Variants in TNXB observed in about 807,000 individuals in gnomAD.
TNXB encodes tenascin-X.
A neutral mutation model predicts 340.5 loss-of-function variants in TNXB; 183 were observed. The observed-to-expected ratio is 0.54, with a 90% confidence interval of 0.48 to 0.61. The LOEUF is 0.61. Ranked by LOEUF, TNXB falls within the 20% of genes least tolerant of loss-of-function variation. The pLI, the probability that TNXB is intolerant of heterozygous loss-of-function variation, is 0.00. For synonymous variants in TNXB, 2,121 were observed against 2,314.5 expected (o/e 0.92, Z 2.40); for missense variants, 4,613 against 5,446.4 (o/e 0.85, Z 4.82).
Position 32,072,237 on chromosome 6 carries a change from C to T in TNXB, c.4743G>A (p.Gly1581=). ...ASKPPLEPRL[G]ELTVTDITPD... ...GGGTTATATCCGTCACTGTCAGCTC[C>T]CCTAGGCGTGGCTCCAGGGGAGGCT... Residue 1581 remains glycine (G), a synonymous_variant, in exon 13 of 44, where the codon GGG becomes GGA. Coordinates refer to ENST00000644971, the MANE Select transcript of TNXB (RefSeq NM_001365276.2). The surrounding 1 kb of genome is among the most constrained non-coding windows in gnomAD (Gnocchi z 4.4). 1 of 1,610,492 alleles carries T rather than the reference C, an allele frequency of 6.2e-7. No individual in the cohort carries two copies. Among genetic ancestry groups the T allele is most frequent in the Non-Finnish European group, 8.5e-7 (1 of 1,178,738 alleles).
rs763234141 is a variant in TNXB, at chr6:32,056,191, T to G, written c.8144-17A>C. ...CCTCTGCAGCTGAGAAAAGGAGATATAGAGAGGATGCCAGGTGCCTGGGGG... is the reference window on the plus strand; with the variant it reads ...CCTCTGCAGCTGAGAAAAGGAGATAGAGAGAGGATGCCAGGTGCCTGGGGG... On this transcript the variant is annotated splice_polypyrimidine_tract_variant and intron_variant, in intron 23 of 43. Coordinates refer to ENST00000644971, the MANE Select transcript of TNXB (RefSeq NM_001365276.2). The G allele has an allele frequency of 1.2e-6, 2 of 1,603,682 alleles. No homozygotes were observed. The highest frequency in any genetic ancestry group is 1.7e-6 in the Non-Finnish European group (2 of 1,173,628).
chr6:32,076,426 C>T (rs972141492), intron 11 of TNXB, among the ~76,000 whole-genome samples: 1 of 152,192 alleles, frequency 6.6e-6, no homozygotes, highest in East Asian at 1.9e-4. Flanking sequence ...TCTGATAATG[C>T]GCACTGATGC....
rs1379189598 is a variant in TNXB, at chr6:32,087,360, C to A, written c.2780-1242G>T. 1 of 477,580 alleles carries A rather than the reference C, an allele frequency of 2.1e-6. No homozygotes were observed. Among genetic ancestry groups the A allele is most frequent in the South Asian group, 1.5e-5 (1 of 66,598 alleles). The allele number at this position is 477,580 out of a possible 1,614,324, so 29.6% of individuals were successfully genotyped here. Reference sequence around the variant, plus strand: ...TGAGGTCGGGCAGGCTGACGGTGCGCGTGGTGCCCGGCACAGTCAGCTCAC... The same window carrying A: ...TGAGGTCGGGCAGGCTGACGGTGCGAGTGGTGCCCGGCACAGTCAGCTCAC... On this transcript the variant is annotated intron_variant, in intron 6 of 43. Transcript: ENST00000644971. The surrounding 1 kb of genome is among the most constrained non-coding windows in gnomAD (Gnocchi z 9.0).
chr6:32,087,753 G>C lies in TNXB; in HGVS notation c.2779+1032C>G. 1 of 507,298 alleles carries C rather than the reference G, an allele frequency of 2.0e-6. No individual in the cohort carries two copies. The highest frequency in any genetic ancestry group is 3.9e-6 in the Non-Finnish European group (1 of 255,502). 31.4% of individuals were successfully genotyped at this position (507,298 alleles called of 1,614,324 possible). ...GCAGTGGGTAGCCGTGAGCCCGCAGGTGGCGCTCCAGGTCCTGCACCGTGC... is the reference window on the plus strand; with the variant it reads ...GCAGTGGGTAGCCGTGAGCCCGCAGCTGGCGCTCCAGGTCCTGCACCGTGC... On this transcript the variant is annotated intron_variant, in intron 6 of 43. Coordinates refer to ENST00000644971, the MANE Select transcript of TNXB (RefSeq NM_001365276.2). This position sits in a 1 kb window ranked among gnomAD's most constrained non-coding sequence, Gnocchi z 9.0.
chr6:32,041,699 C>G, intron 43 of TNXB, 72 bp downstream of exon 43: 1 of 1,061,254 alleles, frequency 9.4e-7, no homozygotes, highest in Non-Finnish European at 1.4e-6. Context: ...TTGCCTGTTA[C>G]ACTGTGGGGC....
chr6:32,078,982 T>A, intron 11 of TNXB, 51 bp downstream of exon 11: 1 of 1,562,064 alleles, frequency 6.4e-7, no homozygotes, highest in Non-Finnish European at 8.7e-7. Context: ...ACAGGGAAGC[T>A]GGGAGCCAGC....
Position 32,082,465 on chromosome 6 carries a change from G to C in TNXB, c.3446-139C>G. 1 of 877,846 alleles carries C rather than the reference G, an allele frequency of 1.1e-6. No homozygotes were observed. The highest frequency in any genetic ancestry group is 2.5e-5 in the East Asian group (1 of 40,130). 54.4% of individuals were successfully genotyped at this position (877,846 alleles called of 1,614,324 possible). Reference sequence around the variant, plus strand: ...TGCATTTGCTGAGGGAGTACAGAGGGACTGAAATCCAGCCAGCACTCTGCT... The same window carrying C: ...TGCATTTGCTGAGGGAGTACAGAGGCACTGAAATCCAGCCAGCACTCTGCT... On this transcript the variant is annotated intron_variant, in intron 8 of 43. Transcript: ENST00000644971. This position sits in a 1 kb window ranked among gnomAD's most constrained non-coding sequence, Gnocchi z 5.0.
chr6:32,049,651 G>C lies in TNXB; in HGVS notation c.9440-64C>G. On this transcript the variant is annotated intron_variant, in intron 27 of 43. Coordinates refer to ENST00000644971, the MANE Select transcript of TNXB (RefSeq NM_001365276.2). This position sits in a 1 kb window ranked among gnomAD's most constrained non-coding sequence, Gnocchi z 4.5. ...TCCTTGGGTCCTGGGGAAAAGGAGG[G>C]AGAAGCCAAGGCTATGACTGGGGGA... The C allele has an allele frequency of 6.5e-7, 1 of 1,541,386 alleles. No homozygotes were observed. The highest frequency in any genetic ancestry group is 8.8e-7 in the Non-Finnish European group (1 of 1,137,292).
rs1420381259 is a variant in TNXB at position 32,043,501 on chromosome 6, C to T, written c.11586G>A (p.Val3862=). 4.2e-6 allele frequency: 3 copies of T among 706,270 alleles called. No homozygotes were observed. Among genetic ancestry groups the T allele is most frequent in the Non-Finnish European group, 7.0e-6 (3 of 426,800 alleles). The allele number at this position is 706,270 out of a possible 1,614,324, so 43.8% of individuals were successfully genotyped here. ...RALNLTEGFA[V]LHWKPPQNPV... ...GATTCTGGGGGGGCTTCCAGTGCAGCACGGCGAATCCCTCGGTCAAGTTCA... is the reference window on the plus strand; with the variant it reads ...GATTCTGGGGGGGCTTCCAGTGCAGTACGGCGAATCCCTCGGTCAAGTTCA... The change falls in exon 36 of 44, where the codon GTG becomes GTA. Residue 3862 remains valine (V), a synonymous_variant. Coordinates refer to ENST00000644971, the MANE Select transcript of TNXB (RefSeq NM_001365276.2).
chr6:32,098,010 T>G lies in TNXB; in HGVS notation c.189A>C (p.Thr63=). 1 of 1,607,438 alleles carries G rather than the reference T, an allele frequency of 6.2e-7. No individual in the cohort carries two copies. Among genetic ancestry groups the G allele is most frequent in the Non-Finnish European group, 8.5e-7 (1 of 1,178,130 alleles). ...GSPSSQLYEH[T]VEGGEKQVVF... is the part of the protein sequence containing the mutation. ...CCACCTGCTTCTCCCCTCCTTCCAC[T>G]GTGTGCTCGTAAAGCTGAGAAGAGG... Residue 63 remains threonine (T), a synonymous_variant, in exon 2 of 44, where the codon ACA becomes ACC. Transcript: ENST00000644971.
At position 32,095,976 on chromosome 6, in the gene TNXB, T is replaced by C. The variant is rs1562873922; in HGVS notation, c.1877A>G (p.His626Arg). 1 of 1,612,876 alleles carries C rather than the reference T, an allele frequency of 6.2e-7. No homozygotes were observed. The highest frequency in any genetic ancestry group is 1.7e-5 in the Admixed American group (1 of 60,008). ...CCCTTCCTCACAGCGGCCCCTCCCG[T>C]GGCAGTTGGAGGGGCAGGTGCGGAT... ...CSIRTCPSNCHGRGRCEEGRC... is the reference protein window; with the variant it reads ...CSIRTCPSNCRGRGRCEEGRC... The change falls in exon 3 of 44, where the codon CAC becomes CGC. Residue 626 changes from histidine (H) to arginine (R), a missense_variant. Physicochemically the swap from His to Arg is conservative, Grantham distance 29 (BLOSUM62 0). This residue lies in a region of TNXB where 4,327 missense variants were observed against 4,859.4 expected (regional missense o/e 0.89). Transcript: ENST00000644971.
At chr6:32,101,577 C>T (rs1159030525) in intron 1 of TNXB, among the ~76,000 whole-genome samples, 1 of 150,926 alleles carries the variant, frequency 6.6e-6, no homozygotes, top group Non-Finnish European at 1.5e-5. Flanking sequence ...GCGTGAGCCA[C>T]CGCACCCAGC....
At position 32,062,356 on chromosome 6, in the gene TNXB, C is replaced by T. The variant is rs572819170; in HGVS notation, c.6969G>A (p.Trp2323Ter). ...GGTCAAACTGTCCCTCGGGAACCGT[C>T]CAGGACAGGCTGAGGGAGTCAGGGG... ...DATPDSLSLS[W>*]TVPEGQFDHF... The change falls in exon 20 of 44, where the codon TGG becomes TGA. Residue 2323 changes from tryptophan to a stop codon, truncating the protein, a stop_gained. Transcript: ENST00000644971. LOFTEE classifies it high-confidence loss of function. This position sits in a 1 kb window ranked among gnomAD's most constrained non-coding sequence, Gnocchi z 4.3. 6.2e-7 allele frequency: 1 copy of T among 1,613,574 alleles called. No individual in the cohort carries two copies. Among genetic ancestry groups the T allele is most frequent in the Non-Finnish European group, 8.5e-7 (1 of 1,179,886 alleles).
chr6:32,051,028 T>A lies in TNXB; in HGVS notation c.9116-707A>T, dbSNP rs1777257001. Among the ~76,000 whole-genome samples the A allele has an allele frequency of 6.6e-6, 1 of 152,174 alleles. No homozygotes were observed. Among genetic ancestry groups the A allele is most frequent in the Non-Finnish European group, 1.5e-5 (1 of 68,032 alleles). ...CCTCTGCTCCCACACTTCAGGACTA[T>A]CTATTCACTGCAAAGGACACCCCAC... On this transcript the variant is annotated intron_variant, in intron 26 of 43. Transcript: ENST00000644971. This position sits in a 1 kb window ranked among gnomAD's most constrained non-coding sequence, Gnocchi z 4.7.
In TNXB at chr6:32,062,365, G is replaced by A; in HGVS notation, c.6960C>T (p.Ser2320=). 2 of 1,613,500 alleles carry A rather than the reference G, an allele frequency of 1.2e-6. No homozygotes were observed. The highest frequency in any genetic ancestry group is 1.7e-6 in the Non-Finnish European group (2 of 1,179,886). Residue 2320 remains serine, a synonymous_variant, in exon 20 of 44, where the codon AGC becomes AGT. Coordinates refer to ENST00000644971, the MANE Select transcript of TNXB (RefSeq NM_001365276.2). This position sits in a 1 kb window ranked among gnomAD's most constrained non-coding sequence, Gnocchi z 4.3. ...GTCCCTCGGGAACCGTCCAGGACAG[G>A]CTGAGGGAGTCAGGGGTCGCATCTG... ...TVTDATPDSL[S]LSWTVPEGQF...
In TNXB at chr6:32,069,120, C is replaced by G. The variant is rs368704862; in HGVS notation, c.5604G>C (p.Thr1868=). The G allele has an allele frequency of 2.5e-6, 4 of 1,608,156 alleles. No homozygotes were observed. The South Asian group carries it at 4.4e-5, about 18-fold the overall frequency. Reference sequence around the variant, plus strand: ...GGGTCGGGGCCGTGGTCTCAGTTTCCGTTTCTTCCCTGCCGGCTGGTTCAC... The same window carrying G: ...GGGTCGGGGCCGTGGTCTCAGTTTCGGTTTCTTCCCTGCCGGCTGGTTCAC... ...AVAITAGREE[T]ETETTAPTPP... is the part of the protein sequence containing the mutation. The change falls in exon 16 of 44, where the codon ACG becomes ACC. Residue 1868 remains threonine (T), a synonymous_variant. Transcript: ENST00000644971. The surrounding 1 kb of genome is among the most constrained non-coding windows in gnomAD (Gnocchi z 6.2).
At chr6:32,056,324 G>A in intron 23 of TNXB, 150 bp from the exon 24 acceptor site, 1 of 1,185,100 alleles carries the variant, frequency 8.4e-7, no homozygotes, top group Non-Finnish European at 1.2e-6. Flanking sequence ...CTGCTCAACT[G>A]ACAGCTAACA....
Position 32,095,622 on chromosome 6 carries a change from T to G in TNXB, c.2231A>C (p.Asp744Ala). Residue 744 changes from aspartate (D) to alanine (A), a missense_variant, in exon 3 of 44, where the codon GAC becomes GCC. This residue lies in a region of TNXB where 4,327 missense variants were observed against 4,859.4 expected (regional missense o/e 0.89). Coordinates refer to ENST00000644971, the MANE Select transcript of TNXB (RefSeq NM_001365276.2). ...CVCKDGYAGE[D>A]CGEEVPTIEG... ...GGCTGCCTGCTCACCTTCTCCGCAG[T>G]CTTCGCCAGCATACCCATCTTTGCA... 4 of 1,612,748 alleles carry G rather than the reference T, an allele frequency of 2.5e-6. No individual in the cohort carries two copies. Among genetic ancestry groups the G allele is most frequent in the Non-Finnish European group, 3.4e-6 (4 of 1,178,952 alleles).
In TNXB at chr6:32,068,950, A is replaced by G. The variant is rs770877459; in HGVS notation, c.5774T>C (p.Val1925Ala). 1.9e-6 allele frequency: 3 copies of G among 1,612,706 alleles called. No individual in the cohort carries two copies. Among genetic ancestry groups the G allele is most frequent in the South Asian group, 2.2e-5 (2 of 91,082 alleles). The change falls in exon 16 of 44, where the codon GTC (valine) becomes GCC (alanine). Residue 1925 changes from valine (V) to alanine (A), a missense_variant. Val to Ala is a moderately conservative substitution (Grantham distance 64, BLOSUM62 0). Coordinates refer to ENST00000644971, the MANE Select transcript of TNXB (RefSeq NM_001365276.2). This position sits in a 1 kb window ranked among gnomAD's most constrained non-coding sequence, Gnocchi z 5.3. ...YTDRDGQLQM[V>A]RIGGDRNDIT... ...GTCATTCCGGTCACCTCCTATGCGGACCATTTGGAGTTGCCCGTCTCTATC... is the reference window on the plus strand; with the variant it reads ...GTCATTCCGGTCACCTCCTATGCGGGCCATTTGGAGTTGCCCGTCTCTATC...
Sources: gnomAD v4.1 joint callset for allele counts (sites outside exome capture counted in the v4.1 genomes callset) on GRCh38, gnomAD v4.1.1 for gene constraint, gnomAD v4.1.1 regional missense constraint, Gnocchi (gnomAD v3.1) non-coding constraint, MANE v1.5 for transcripts, NCBI Gene and HGNC (gene_info 2026-07-23, HGNC 2026-07-21) for gene names.